The following RAB8B variants were observed in gnomAD, a reference collection of about 807,000 sequenced individuals.
RAB8B encodes the protein RAB8B, member RAS oncogene family.
A neutral mutation model predicts 32.0 loss-of-function variants in RAB8B; 11 were observed. The ratio of observed to expected loss-of-function variants is 0.34; its 90% CI spans 0.22 to 0.57. The LOEUF (loss-of-function observed/expected upper bound fraction) is 0.57. RAB8B is among the 20% of genes least tolerant of loss of function. The probability of loss-of-function intolerance (pLI) is 0.86; values close to 1 mark genes in which losing one functional copy is unlikely to be tolerated. For synonymous variants in RAB8B, 103 were observed against 89.6 expected (o/e 1.15, Z -0.85); for missense variants, 190 against 258.5 (o/e 0.73, Z 1.82).
At chr15:63,250,823 C>T (rs1002115661) in intron 3 of RAB8B, among the ~76,000 whole-genome samples, 1 of 150,742 alleles carries the variant, frequency 6.6e-6, no homozygotes, top group Non-Finnish European at 1.5e-5. Context: ...GTCATGAACC[C>T]CAACCTGGTA....
chr15:63,254,560 A>C (rs1326200509), intron 3 of RAB8B, among the ~76,000 whole-genome samples: 1 of 152,082 alleles, frequency 6.6e-6, no homozygotes, highest in Non-Finnish European at 1.5e-5. Flanking sequence ...CTGGGGATAT[A>C]GATTTTGCAG....
chr15:63,230,191 A>T (rs554916537), intron 1 of RAB8B, among the ~76,000 whole-genome samples: 1 of 152,212 alleles, frequency 6.6e-6, no homozygotes, highest in Non-Finnish European at 1.5e-5. Context: ...ATTTTCATAC[A>T]CTTTTGTGGC....
intron 1 of RAB8B, among the ~76,000 whole-genome samples, chr15:63,202,226 C>T (rs983710028): frequency 3.3e-5 from 5 of 150,986 alleles, no homozygotes; most frequent in Admixed American, 6.6e-5. Flanking sequence ...TGCAGTGAGC[C>T]GAGATCGCGC....
intron 3 of RAB8B, 78 bp downstream of exon 3, chr15:63,249,783 C>A: frequency 7.1e-7 from 1 of 1,416,550 alleles, no homozygotes; most frequent in Non-Finnish European, 9.8e-7. Flanking sequence ...TTATAGGATT[C>A]AAGATGGAGT....
rs202208991 is a variant in RAB8B, at chr15:63,247,501, A to AT, written c.186-2136dup. Reference sequence around the variant, plus strand: ...ACTTGAACTCAGAAGCTCTTCTTAGATTTTTTTTAACCTCCTAGAAGCTGG... The same window carrying AT: ...ACTTGAACTCAGAAGCTCTTCTTAGATTTTTTTTTAACCTCCTAGAAGCTGG... On this transcript the variant is annotated intron_variant, in intron 2 of 7. Coordinates refer to ENST00000321437, the MANE Select transcript of RAB8B (RefSeq NM_016530.3). Among the ~76,000 whole-genome samples the AT allele has an allele frequency of 5.4e-3, 814 of 152,128 alleles. 9 individuals carry two copies. Among genetic ancestry groups the AT allele is most frequent in the African/African-American group, 0.018 (755 of 41,500 alleles).
At chr15:63,252,437 G>A (rs937611508) in intron 3 of RAB8B, among the ~76,000 whole-genome samples, 1 of 152,174 alleles carries the variant, frequency 6.6e-6, no homozygotes, top group African/African-American at 2.4e-5. Flanking sequence ...AATATGTGGT[G>A]GAGCCTAAGT....
chr15:63,212,325 A>G (rs1210098115), intron 1 of RAB8B, among the ~76,000 whole-genome samples: 2 of 152,220 alleles, frequency 1.3e-5, no homozygotes, highest in Non-Finnish European at 2.9e-5. Flanking sequence ...GGGTTGTGAG[A>G]TAAAGTTGTT....
intron 1 of RAB8B, among the ~76,000 whole-genome samples, chr15:63,228,032 C>T (rs1264233781): frequency 6.6e-6 from 1 of 151,088 alleles, no homozygotes. Flanking sequence ...TTCACAGGGT[C>T]TCACTTTGTC....
chr15:63,252,646 A>C (rs923382667), intron 3 of RAB8B, among the ~76,000 whole-genome samples: 11 of 152,230 alleles, frequency 7.2e-5, no homozygotes, highest in South Asian at 4.1e-4. Context: ...TGCATCAGGA[A>C]TTATGCAGAA....
intron 1 of RAB8B, among the ~76,000 whole-genome samples, chr15:63,205,925 G>A (rs1312761434): frequency 6.6e-6 from 1 of 152,226 alleles, no homozygotes; most frequent in African/African-American, 2.4e-5. Flanking sequence ...CATGGTGGAA[G>A]AGCAGGAGCT....
At chr15:63,240,001 G>A (rs2038018936) in intron 1 of RAB8B, among the ~76,000 whole-genome samples, 1 of 152,124 alleles carries the variant, frequency 6.6e-6, no homozygotes, top group African/African-American at 2.4e-5. Context: ...AGAGAAGGCT[G>A]CAAAGTGAGG....
chr15:63,233,885 G>A (rs1157983213), intron 1 of RAB8B, among the ~76,000 whole-genome samples: 4 of 152,092 alleles, frequency 2.6e-5, no homozygotes, highest in African/African-American at 9.7e-5. Flanking sequence ...GATAACCTTT[G>A]TAGAAAAATG....
Position 63,235,848 on chromosome 15 carries a change from G to A in RAB8B, c.125-8908G>A, listed in dbSNP as rs562176018. 2.0e-5 allele frequency among the ~76,000 whole-genome samples: 3 copies of A among 151,560 alleles called. No homozygotes were observed. The South Asian group carries it at 6.3e-4, about 32-fold the overall frequency. ...TAAATATGGCTTTTGTTCACTGCTC[G>A]AGTATTCCTACTCTACTTGTATACC... On this transcript the variant is annotated intron_variant, in intron 1 of 7. Coordinates refer to ENST00000321437, the MANE Select transcript of RAB8B (RefSeq NM_016530.3).
chr15:63,240,243 G>A (rs1477643106), intron 1 of RAB8B, among the ~76,000 whole-genome samples: 2 of 152,166 alleles, frequency 1.3e-5, no homozygotes, highest in African/African-American at 4.8e-5. Flanking sequence ...AATTAGACCA[G>A]GGAGAGATGT....
intron 1 of RAB8B, among the ~76,000 whole-genome samples, chr15:63,222,649 T>G (rs1291433806): frequency 6.6e-6 from 1 of 152,232 alleles, no homozygotes; most frequent in Non-Finnish European, 1.5e-5. Context: ...GCAATTCTCC[T>G]GCCTCAGCCT....
intron 1 of RAB8B, among the ~76,000 whole-genome samples, chr15:63,227,774 A>G (rs1000923192): frequency 3.3e-5 from 5 of 152,336 alleles, no homozygotes; most frequent in South Asian, 2.1e-4. Context: ...AAATATAACA[A>G]AACAAATTGT....
intron 1 of RAB8B, among the ~76,000 whole-genome samples, chr15:63,228,788 C>G (rs2141126518): frequency 6.6e-6 from 1 of 152,206 alleles, no homozygotes; most frequent in South Asian, 2.1e-4. Context: ...CAAGGGCAGC[C>G]CCTAAAAGCT....
chr15:63,194,878 A>T lies in RAB8B; in HGVS notation c.124+5130A>T, dbSNP rs532026242. 4.6e-5 allele frequency among the ~76,000 whole-genome samples: 7 copies of T among 152,374 alleles called. No individual in the cohort carries two copies. The South Asian group carries it at 8.3e-4, about 18-fold the overall frequency. ...AGACCATATGTATCCCACAAAGCTT[A>T]AAAATATTTACTAACTGGTTCTTTG... On this transcript the variant is annotated intron_variant, in intron 1 of 7. Coordinates refer to ENST00000321437, the MANE Select transcript of RAB8B (RefSeq NM_016530.3).
chr15:63,247,342 C>G (rs2038080028), intron 2 of RAB8B, among the ~76,000 whole-genome samples: 1 of 152,200 alleles, frequency 6.6e-6, no homozygotes, highest in Admixed American at 6.5e-5. Flanking sequence ...TAGGATGTTT[C>G]CCAACTCTGA....
Sources: gnomAD v4.1 joint callset for allele counts (sites outside exome capture counted in the v4.1 genomes callset) on GRCh38, gnomAD v4.1.1 for gene constraint, MANE v1.5 for transcripts, NCBI Gene and HGNC (gene_info 2026-07-23, HGNC 2026-07-21) for gene names.